ZHX1: variants seen among roughly 807,000 people sequenced by gnomAD.
ZHX1 encodes the protein zinc fingers and homeoboxes protein 1.
ZHX1 carries 20 observed loss-of-function variants against 61.8 expected under a neutral mutation model. That is an observed-to-expected ratio of 0.32 (90% CI 0.23 to 0.47). The LOEUF (loss-of-function observed/expected upper bound fraction) is 0.47. Ranked by LOEUF, ZHX1 falls within the 20% of genes least tolerant of loss-of-function variation. The probability of loss-of-function intolerance (pLI) is 1.00; values close to 1 mark genes in which losing one functional copy is unlikely to be tolerated. For synonymous variants in ZHX1, 318 were observed against 352.6 expected, an observed-to-expected ratio of 0.90 and a Z score of 1.10; for missense variants, 800 against 1,034.8, an observed-to-expected ratio of 0.77 and a Z score of 3.11.
rs778130812 is a variant in ZHX1 at position 123,257,585 on chromosome 8, C to T, written c.-225-1414G>A. ...CATGGAAGACCATTTTTCCACATAC[C>T]GCGGTGCGAGGGGATGAGATGGTTT... On this transcript the variant is annotated intron_variant, in intron 2 of 3. Transcript: ENST00000395571. Among the ~76,000 whole-genome samples the T allele has an allele frequency of 3.3e-5, 5 of 152,212 alleles. 1 individual carries two copies. Among genetic ancestry groups the T allele is most frequent in the Admixed American group, 2.0e-4 (3 of 15,290 alleles).
rs1157481123 is a variant in ZHX1, at chr8:123,250,260, A to C, written c.*64T>G. ...TTCAATGTCATCAAAGATTGGGCAA[A>C]TTCACAGTAAATCAGACATCTTGAG... On this transcript the variant is annotated 3_prime_UTR_variant, in exon 4 of 4. Transcript: ENST00000395571. 2 of 452,576 alleles carry C rather than the reference A, an allele frequency of 4.4e-6. No homozygotes were observed. The highest frequency in any genetic ancestry group is 3.1e-5 in the South Asian group (2 of 63,882). 28.0% of individuals were successfully genotyped at this position (452,576 alleles called of 1,614,324 possible).
In ZHX1 at chr8:123,253,456, A is replaced by G. The variant is rs1174656824; in HGVS notation, c.2491T>C (p.Leu831=). ...RQRRSELGIE[L]FEENEEEDEV... is the part of the protein sequence containing the mutation. The stretch of plus-strand genomic sequence containing the variant: ...TCTTCCTCCTCATTTTCCTCAAATA[A>G]TTCTATACCTAATTCTGATCTTCTC... The change falls in exon 3 of 4, where the codon TTA becomes CTA. Residue 831 remains leucine (L), a synonymous_variant. Coordinates refer to ENST00000395571, the MANE Select transcript of ZHX1 (RefSeq NM_007222.5). The G allele has an allele frequency of 1.9e-6, 3 of 1,613,962 alleles. No individual in the cohort carries two copies. The Admixed American group carries it at 5.0e-5, about 27-fold the overall frequency.
chr8:123,253,944 GTTT>G lies in ZHX1; in HGVS notation c.2000_2002del (p.Lys667del). On this transcript the variant is annotated inframe_deletion, in exon 3 of 4. Coordinates refer to ENST00000395571, the MANE Select transcript of ZHX1 (RefSeq NM_007222.5). ...CTTAAGCATGTGCAGCTGCTCAGGT[GTTT>G]TTTTACATATCTTGCCTGTACTCCC... is the stretch of plus-strand genomic sequence containing the variant. 1 of 1,614,122 alleles carries G rather than the reference GTTT, an allele frequency of 6.2e-7. No homozygotes were observed. Among genetic ancestry groups the G allele is most frequent in the Non-Finnish European group, 8.5e-7 (1 of 1,180,024 alleles).
At chr8:123,251,584 T>TACA (rs1825920193) in intron 3 of ZHX1, among the ~76,000 whole-genome samples, 1 of 152,178 alleles carries the variant, frequency 6.6e-6, no homozygotes, top group Admixed American at 6.5e-5. Flanking sequence ...TTGCAGAGGT[T>TACA]ACAACAACAA....
At chr8:123,257,798 G>A (rs775873336) in intron 2 of ZHX1, among the ~76,000 whole-genome samples, 5 of 152,078 alleles carry the variant, frequency 3.3e-5, no homozygotes, top group African/African-American at 9.7e-5. Flanking sequence ...TCTGCTGTGC[G>A]GCCCAGTTCC....
chr8:123,273,248 G>A (rs1424497192), intron 1 of ZHX1, among the ~76,000 whole-genome samples: 1 of 152,078 alleles, frequency 6.6e-6, no homozygotes, highest in Non-Finnish European at 1.5e-5. Flanking sequence ...CTAAAACAAA[G>A]AATTGCCAAG....
chr8:123,260,370 G>C (rs1274192472), intron 2 of ZHX1, among the ~76,000 whole-genome samples: 1 of 152,010 alleles, frequency 6.6e-6, no homozygotes, highest in East Asian at 1.9e-4. Flanking sequence ...AGGCTGAGAA[G>C]GATGGATCAC....
In ZHX1 at chr8:123,267,390, C is replaced by T. The variant is rs1826492112; in HGVS notation, c.-339-4G>A. The T allele has an allele frequency of 2.2e-6, 2 of 903,430 alleles. No individual in the cohort carries two copies. The highest frequency in any genetic ancestry group is 3.0e-5 in the East Asian group (1 of 33,470). 56.0% of individuals were successfully genotyped at this position (903,430 alleles called of 1,614,324 possible). A position where few individuals can be genotyped will look rare whatever the true frequency, so the allele number is the denominator to read the frequency against. ...CAAAGCAGCAGTCTGTCTTCTCCTA[C>T]AAAAAAGTCATATTTTATTATTCTA... On this transcript the variant is annotated splice_region_variant and splice_polypyrimidine_tract_variant and intron_variant, in intron 1 of 3. Coordinates refer to ENST00000395571, the MANE Select transcript of ZHX1 (RefSeq NM_007222.5).
intron 1 of ZHX1, chr8:123,273,849 G>C (rs1479509000): frequency 6.6e-6 from 1 of 152,426 alleles, no homozygotes; most frequent in African/African-American, 2.4e-5. Context: ...TAAGTTGCTG[G>C]GTCCTCACCA....
At position 123,249,840 on chromosome 8, in the gene ZHX1, T is replaced by TTG. The variant is rs1317658051; in HGVS notation, c.*483_*484insCA. On this transcript the variant is annotated 3_prime_UTR_variant, in exon 4 of 4. Coordinates refer to ENST00000395571, the MANE Select transcript of ZHX1 (RefSeq NM_007222.5). ...TAAGACATAGTAATAAATCAGGGTTTTTTTTTTTTTTTTTTTTTTACCCAT... is the reference window on the plus strand; with the variant it reads ...TAAGACATAGTAATAAATCAGGGTTTTGTTTTTTTTTTTTTTTTTTTACCCAT... 22 of 149,112 alleles carry TTG rather than the reference T, an allele frequency of 1.5e-4. No individual in the cohort carries two copies. Among genetic ancestry groups the TTG allele is most frequent in the African/African-American group, 4.3e-4 (17 of 39,904 alleles). 9.2% of individuals were successfully genotyped at this position (149,112 alleles called of 1,614,324 possible).
intron 2 of ZHX1, among the ~76,000 whole-genome samples, chr8:123,265,249 T>C (rs994531951): frequency 6.6e-6 from 1 of 152,046 alleles, no homozygotes. Flanking sequence ...CATGTTAATT[T>C]TGATGTAGCA....
chr8:123,259,398 A>G (rs1189507733), intron 2 of ZHX1, among the ~76,000 whole-genome samples: 2 of 151,864 alleles, frequency 1.3e-5, no homozygotes, highest in East Asian at 3.9e-4. Context: ...TTTTTTTTTC[A>G]AGTATCAACA....
chr8:123,262,894 T>A (rs1302886372), intron 2 of ZHX1: 1 of 150,280 alleles, frequency 6.7e-6, no homozygotes, highest in Non-Finnish European at 1.5e-5. Context: ...CGGAGAAGAT[T>A]AGCATGGCCC....
At chr8:123,267,220 G>A (rs1826487367) in intron 2 of ZHX1, 53 bp downstream of exon 2, 1 of 1,497,942 alleles carries the variant, frequency 6.7e-7, no homozygotes. Flanking sequence ...GGGATCTAAA[G>A]TGAGTACATT....
chr8:123,274,660 C>T (rs927038525), upstream of ZHX1, among the ~76,000 whole-genome samples: 5 of 151,946 alleles, frequency 3.3e-5, no homozygotes, highest in Non-Finnish European at 5.9e-5. Context: ...AGCTCCGCCC[C>T]CTGTCAGGAG....
At chr8:123,259,478 A>G (rs2131201366) in intron 2 of ZHX1, among the ~76,000 whole-genome samples, 1 of 152,322 alleles carries the variant, frequency 6.6e-6, no homozygotes, top group Middle Eastern at 3.4e-3. Context: ...AGTGGTCCAG[A>G]CATGGTGGTA....
rs914636574 is a variant in ZHX1, at chr8:123,253,995, T to C, written c.1952A>G (p.Asp651Gly). ...CCCTGACTTAGGTGCACCAGATTCA[T>C]CTGCAGGAGAAGTTTCTCCAGCTTC... The part of the protein sequence containing the change: ...KEEAGETSPA[D>G]ESGAPKSGST... The change falls in exon 3 of 4, where the codon GAT becomes GGT. Residue 651 changes from aspartate to glycine, a missense_variant. Coordinates refer to ENST00000395571, the MANE Select transcript of ZHX1 (RefSeq NM_007222.5). The C allele has an allele frequency of 5.0e-6, 8 of 1,614,056 alleles. No homozygotes were observed. In the African/African-American group the frequency reaches 8.0e-5, roughly 16 times the overall value.
At chr8:123,267,773 C>T (rs1174148127) in intron 1 of ZHX1, among the ~76,000 whole-genome samples, 1 of 152,026 alleles carries the variant, frequency 6.6e-6, no homozygotes. Context: ...AGGCCAAGGC[C>T]GGCGGATCAC....
At chr8:123,263,252 G>A (rs1056614871) in intron 2 of ZHX1, among the ~76,000 whole-genome samples, 2 of 95,588 alleles carry the variant, frequency 2.1e-5, no homozygotes, top group Admixed American at 2.1e-4. Context: ...GCCAGTTTCC[G>A]TAGATCTATC....
Sources: allele counts gnomAD v4.1 joint callset (sites outside exome capture counted in the v4.1 genomes callset), GRCh38; gene constraint gnomAD v4.1.1; transcripts MANE v1.5; gene names NCBI Gene and HGNC (gene_info 2026-07-23, HGNC 2026-07-21).